CACNB4: variants seen among roughly 807,000 people sequenced by gnomAD.
CACNB4 encodes the protein calcium voltage-gated channel auxiliary subunit beta 4.
In CACNB4, 32 loss-of-function variants were observed where a neutral mutation model predicts 71.2. The ratio of observed to expected loss-of-function variants is 0.45; its 90% CI spans 0.34 to 0.60. CACNB4 has a LOEUF of 0.60. Among genes scored for constraint, CACNB4 ranks in the 20% least tolerant of loss-of-function variants. The pLI is 0.01. For missense variants in CACNB4, 464 were observed against 647.9 expected (o/e 0.72, Z 3.08); for synonymous variants, 231 against 236.9 (o/e 0.97, Z 0.23).
intron 2 of CACNB4, among the ~76,000 whole-genome samples, chr2:152,084,730 C>G (rs974176412): frequency 2.6e-5 from 4 of 152,102 alleles, no homozygotes; most frequent in African/African-American, 9.7e-5. Context: ...CTGCCTCAGC[C>G]TCCAGAGTAT....
At chr2:151,966,272 TTTTTC>T (rs1450261922) in intron 2 of CACNB4, among the ~76,000 whole-genome samples, 1 of 47,002 alleles carries the variant, frequency 2.1e-5, no homozygotes, top group African/African-American at 4.0e-5. Context: ...TCTTTCTTTC[TTTTTC>T]TTTTATTTAT....
chr2:152,010,409 C>T (rs186874715), intron 2 of CACNB4, among the ~76,000 whole-genome samples: 15 of 152,198 alleles, frequency 9.9e-5, no homozygotes, highest in Admixed American at 2.6e-4. Context: ...ATTACAAGTT[C>T]GGTGTGGCAC....
intron 2 of CACNB4, among the ~76,000 whole-genome samples, chr2:151,889,274 G>A (rs925808596): frequency 1.3e-5 from 2 of 152,050 alleles, no homozygotes; most frequent in African/African-American, 2.4e-5. Context: ...TTCAAGACCA[G>A]CCTGGCCAAT....
intron 2 of CACNB4, among the ~76,000 whole-genome samples, chr2:151,948,583 C>T (rs2099866141): frequency 6.6e-6 from 1 of 151,968 alleles, no homozygotes; most frequent in Non-Finnish European, 1.5e-5. Flanking sequence ...ATCATCTGAG[C>T]CTAGCAAGTC....
upstream of CACNB4, chr2:152,099,116 G>T (rs890311086): frequency 3.0e-6 from 2 of 674,518 alleles, 1 homozygote; most frequent in Middle Eastern, 8.0e-4. Flanking sequence ...TTCCCCACCC[G>T]GCTCCAGGAC....
chr2:152,065,073 T>G (rs1046254408), intron 2 of CACNB4, among the ~76,000 whole-genome samples: 4 of 152,128 alleles, frequency 2.6e-5, no homozygotes, highest in Non-Finnish European at 4.4e-5. Context: ...GTAAATGTGA[T>G]TTACTTGCAT....
intron 2 of CACNB4, among the ~76,000 whole-genome samples, chr2:152,036,260 C>T (rs1483425413): frequency 1.3e-5 from 2 of 152,144 alleles, no homozygotes; most frequent in African/African-American, 2.4e-5. Flanking sequence ...ATATAGTTAA[C>T]ACTGCTGTAC....
At chr2:152,013,139 T>C (rs1360402205) in intron 2 of CACNB4, among the ~76,000 whole-genome samples, 1 of 152,176 alleles carries the variant, frequency 6.6e-6, no homozygotes, top group Non-Finnish European at 1.5e-5. Flanking sequence ...CCTAAGTGTG[T>C]GGTAGGCTAC....
chr2:151,923,086 T>A (rs1013219771), intron 2 of CACNB4, among the ~76,000 whole-genome samples: 4 of 152,236 alleles, frequency 2.6e-5, no homozygotes, highest in East Asian at 1.9e-4. Context: ...AGGCAACAGG[T>A]GGAACCATGG....
At chr2:152,084,870 C>T (rs1235923362) in intron 2 of CACNB4, among the ~76,000 whole-genome samples, 1 of 152,006 alleles carries the variant, frequency 6.6e-6, no homozygotes, top group East Asian at 1.9e-4. Flanking sequence ...AACAATCCTC[C>T]CACCTCAGCT....
intron 2 of CACNB4, among the ~76,000 whole-genome samples, chr2:152,047,426 T>G (rs1438901420): frequency 6.6e-6 from 1 of 152,188 alleles, no homozygotes; most frequent in African/African-American, 2.4e-5. Flanking sequence ...AATTCTTACT[T>G]CCTTAACCAA....
intron 2 of CACNB4, among the ~76,000 whole-genome samples, chr2:151,995,066 C>T (rs1681963133): frequency 6.6e-6 from 1 of 152,202 alleles, no homozygotes; most frequent in South Asian, 2.1e-4. Flanking sequence ...TTACATCTCT[C>T]AGAAGTATAT....
At chr2:152,090,815 G>A (rs1687927973) in intron 2 of CACNB4, among the ~76,000 whole-genome samples, 1 of 152,096 alleles carries the variant, frequency 6.6e-6, no homozygotes, top group South Asian at 2.1e-4. Context: ...GGTGGCTGAG[G>A]CAGGTGGATC....
At chr2:151,966,064 A>G (rs2099871020) in intron 2 of CACNB4, among the ~76,000 whole-genome samples, 1 of 152,220 alleles carries the variant, frequency 6.6e-6, no homozygotes, top group African/African-American at 2.4e-5. Flanking sequence ...TGACATTTTT[A>G]TCTTAATTGA....
In CACNB4 at chr2:152,057,990, C is replaced by T. The variant is rs200005592; in HGVS notation, c.147+40340G>A. Among the ~76,000 whole-genome samples the T allele has an allele frequency of 8.0e-4, 122 of 152,234 alleles. No individual in the cohort carries two copies. In the East Asian group the frequency reaches 8.9e-3, roughly 11 times the overall value. ...GGTGATTAGATCATGGAGGCAGTTT[C>T]CTTCATGCTATTCTCATGATAATAA... On this transcript the variant is annotated intron_variant, in intron 2 of 13. Coordinates refer to ENST00000539935, the MANE Select transcript of CACNB4 (RefSeq NM_000726.5).
In CACNB4 at chr2:151,839,069, C is replaced by T. The variant is rs2099835518; in HGVS notation, c.*50G>A. 1 of 1,531,342 alleles carries T rather than the reference C, an allele frequency of 6.5e-7. No individual in the cohort carries two copies. The highest frequency in any genetic ancestry group is 2.3e-5 in the East Asian group (1 of 44,260). 94.9% of individuals were successfully genotyped at this position (1,531,342 alleles called of 1,614,324 possible). On this transcript the variant is annotated 3_prime_UTR_variant, in exon 14 of 14. Coordinates refer to ENST00000539935, the MANE Select transcript of CACNB4 (RefSeq NM_000726.5). ...AGTTAAGATGATTGGTTTATCCTAG[C>T]ACTGCTATGGCAAATTGTCAACAGA...
chr2:151,934,126 G>A (rs2099862331), intron 2 of CACNB4, among the ~76,000 whole-genome samples: 1 of 151,772 alleles, frequency 6.6e-6, no homozygotes, highest in Admixed American at 6.6e-5. Context: ...TGAATAATAA[G>A]AACTTGAGGT....
intron 2 of CACNB4, among the ~76,000 whole-genome samples, chr2:151,993,713 T>C (rs1327983855): frequency 6.6e-6 from 1 of 151,794 alleles, no homozygotes; most frequent in African/African-American, 2.4e-5. Flanking sequence ...TACAGGTGTG[T>C]GCCACCACGC....
intron 3 of CACNB4, among the ~76,000 whole-genome samples, chr2:151,881,640 T>C (rs920250953): frequency 1.3e-5 from 2 of 152,136 alleles, no homozygotes; most frequent in Admixed American, 1.3e-4. Flanking sequence ...TGAAAGAAAA[T>C]TTTGTAACAA....
Sources: allele counts gnomAD v4.1 joint callset (sites outside exome capture counted in the v4.1 genomes callset), GRCh38; gene constraint gnomAD v4.1.1; transcripts MANE v1.5; gene names NCBI Gene and HGNC (gene_info 2026-07-23, HGNC 2026-07-21).